Variants in UTP20 observed in about 807,000 individuals in gnomAD.
UTP20 encodes small subunit processome component 20 homolog.
In UTP20, 164 loss-of-function variants were observed where a neutral mutation model predicts 329.5. The ratio of observed to expected loss-of-function variants is 0.50; its 90% CI spans 0.44 to 0.57. UTP20 has a LOEUF of 0.57. UTP20 is among the 20% of genes least tolerant of loss of function. The probability of loss-of-function intolerance (pLI) is 0.00; values close to 1 mark genes in which losing one functional copy is unlikely to be tolerated. For synonymous variants in UTP20, 1,151 were observed against 1,159.3 expected (o/e 0.99, Z 0.14); for missense variants, 3,055 against 3,284.2 (o/e 0.93, Z 1.71).
intron 2 of UTP20, among the ~76,000 whole-genome samples, chr12:101,282,463 G>GT (rs34185612): frequency 6.5e-4 from 98 of 150,754 alleles, no homozygotes; most frequent in East Asian, 4.5e-3. Flanking sequence ...TGTATAGGGT[G>GT]TTTTTTTTTT....
intron 18 of UTP20, among the ~76,000 whole-genome samples, chr12:101,309,553 TC>T (rs1373269574): frequency 1.3e-5 from 2 of 152,256 alleles, no homozygotes; most frequent in Non-Finnish European, 2.9e-5. Context: ...CTGTAGCGAT[TC>T]TTCTATTTTA....
intron 10 of UTP20, among the ~76,000 whole-genome samples, chr12:101,292,427 G>A (rs1872194911): frequency 6.6e-6 from 1 of 152,192 alleles, no homozygotes; most frequent in South Asian, 2.1e-4. Flanking sequence ...AGGGTAAACA[G>A]TGATGCCTGC....
Position 101,340,506 on chromosome 12 carries a change from G to GT in UTP20, c.4014-11dup, listed in dbSNP as rs755484236. On this transcript the variant is annotated splice_polypyrimidine_tract_variant and intron_variant, in intron 31 of 61. Coordinates refer to ENST00000261637, the MANE Select transcript of UTP20 (RefSeq NM_014503.3). ...CCTTGTATATGTTCCTTATATATCC[G>GT]TTTTTTCCTTCTTTAGGATCAGCAA... 2.6e-6 allele frequency: 4 copies of GT among 1,538,260 alleles called. No individual in the cohort carries two copies. Among genetic ancestry groups the GT allele is most frequent in the South Asian group, 1.2e-5 (1 of 85,942 alleles).
chr12:101,323,036 A>C (rs965149157), intron 25 of UTP20, among the ~76,000 whole-genome samples: 4 of 152,228 alleles, frequency 2.6e-5, no homozygotes, highest in Non-Finnish European at 5.9e-5. Context: ...AGTTGAATAC[A>C]AGCTACCAAA....
chr12:101,357,972 G>T (rs1171728062), intron 43 of UTP20, among the ~76,000 whole-genome samples: 1 of 152,198 alleles, frequency 6.6e-6, no homozygotes, highest in Non-Finnish European at 1.5e-5. Context: ...GAACGCTGCA[G>T]CTTCTTTTCA....
intron 6 of UTP20, chr12:101,289,923 T>G: frequency 3.4e-6 from 1 of 296,270 alleles, no homozygotes. Context: ...AGTACATATC[T>G]TCCTGTAATA....
At chr12:101,318,975 T>C (rs1873065015) in intron 22 of UTP20, among the ~76,000 whole-genome samples, 1 of 152,112 alleles carries the variant, frequency 6.6e-6, no homozygotes, top group South Asian at 2.1e-4. Context: ...ATGGCCAGCC[T>C]TCATGTCACT....
In UTP20 at chr12:101,356,471, G is replaced by T. The variant is rs1245237565; in HGVS notation, c.5395-83G>T. On this transcript the variant is annotated intron_variant, in intron 41 of 61. Coordinates refer to ENST00000261637, the MANE Select transcript of UTP20 (RefSeq NM_014503.3). ...ATCATCCATCCTTCTAGAAAAACTT[G>T]TCTTTCAAATACAAAGTTGCAGTGT... 4 of 1,235,588 alleles carry T rather than the reference G, an allele frequency of 3.2e-6. No individual in the cohort carries two copies. In the Admixed American group the frequency reaches 1.2e-4, roughly 37 times the overall value. 76.5% of individuals were successfully genotyped at this position (1,235,588 alleles called of 1,614,324 possible). A position where few individuals can be genotyped will look rare whatever the true frequency, so the allele number is the denominator to read the frequency against.
chr12:101,355,291 C>G (rs1020432102), intron 41 of UTP20, among the ~76,000 whole-genome samples, 173 bp downstream of exon 41: 1 of 152,172 alleles, frequency 6.6e-6, no homozygotes, highest in Admixed American at 6.6e-5. Context: ...CAGGCTTATC[C>G]TGCTGCAACT....
chr12:101,383,913 G>T (rs1243748754), intron 60 of UTP20, among the ~76,000 whole-genome samples: 1 of 151,408 alleles, frequency 6.6e-6, no homozygotes, highest in Admixed American at 6.6e-5. Flanking sequence ...TGCCAGGCTG[G>T]TCTTGGTCTC....
At chr12:101,348,944 C>A (rs1259004530) in intron 38 of UTP20, among the ~76,000 whole-genome samples, 1 of 151,940 alleles carries the variant, frequency 6.6e-6, no homozygotes, top group African/African-American at 2.4e-5. Flanking sequence ...TTGATTCTTG[C>A]AGCTTTTGTT....
At chr12:101,353,550 A>G (rs1387651195) in intron 40 of UTP20, among the ~76,000 whole-genome samples, 3 of 152,170 alleles carry the variant, frequency 2.0e-5, no homozygotes, top group East Asian at 3.9e-4. Context: ...AAGATTATAA[A>G]TTGGGCCAGA....
intron 48 of UTP20, among the ~76,000 whole-genome samples, 171 bp downstream of exon 48, chr12:101,368,147 A>G (rs1870160804): frequency 1.3e-5 from 2 of 148,880 alleles, no homozygotes; most frequent in African/African-American, 2.5e-5. Flanking sequence ...TTTGAGACAG[A>G]GTCTCACTTT....
chr12:101,309,654 G>A, intron 18 of UTP20, 109 bp from the exon 19 acceptor site: 1 of 1,028,756 alleles, frequency 9.7e-7, no homozygotes, highest in Non-Finnish European at 1.4e-6. Context: ...TATCGCACAG[G>A]CTTCTTTCCA....
Position 101,386,211 on chromosome 12 carries a change from C to CTT in UTP20, c.*88_*89insTT. 1.7e-6 allele frequency: 2 copies of CTT among 1,153,288 alleles called. No individual in the cohort carries two copies. Among genetic ancestry groups the CTT allele is most frequent in the Non-Finnish European group, 1.2e-6 (1 of 831,634 alleles). 71.4% of individuals were successfully genotyped at this position (1,153,288 alleles called of 1,614,324 possible). On this transcript the variant is annotated 3_prime_UTR_variant, in exon 62 of 62. Coordinates refer to ENST00000261637, the MANE Select transcript of UTP20 (RefSeq NM_014503.3). The stretch of plus-strand genomic sequence containing the variant: ...TAGGTTGTCTGGGGTAGGGGGGAGG[C>CTT]GTTTTTTTTTTTTTTTGAGACAAGG...
At chr12:101,315,641 T>C (rs1872949508) in intron 21 of UTP20, among the ~76,000 whole-genome samples, 1 of 152,210 alleles carries the variant, frequency 6.6e-6, no homozygotes, top group South Asian at 2.1e-4. Context: ...TGATTTTCTC[T>C]TTTTCAAATA....
chr12:101,367,370 G>A (rs549022747), intron 47 of UTP20, among the ~76,000 whole-genome samples: 40 of 152,174 alleles, frequency 2.6e-4, no homozygotes, highest in Admixed American at 2.6e-3. Flanking sequence ...ACCCTTCATT[G>A]ACTCGCATTT....
intron 32 of UTP20, among the ~76,000 whole-genome samples, 171 bp downstream of exon 32, chr12:101,340,781 C>G (rs1869096797): frequency 6.6e-6 from 1 of 152,030 alleles, no homozygotes; most frequent in African/African-American, 2.4e-5. Flanking sequence ...AAGACTGGGA[C>G]AGACACTAGG....
rs900992169 is a variant in UTP20, at chr12:101,312,133, G to A, written c.2409G>A (p.Glu803=). The A allele has an allele frequency of 6.2e-7, 1 of 1,614,230 alleles. No homozygotes were observed. Among genetic ancestry groups the A allele is most frequent in the Non-Finnish European group, 8.5e-7 (1 of 1,180,042 alleles). ...QEGDVGALYH[E]QLALKTDCQE... ...GAGATGTTGGAGCTCTTTATCATGA[G>A]CAGTTAGCATTGAAAACTGACTGTC... The change falls in exon 21 of 62, where the codon GAG becomes GAA. Residue 803 remains glutamate (E), a synonymous_variant. Transcript: ENST00000261637.
Sources: gnomAD v4.1 joint callset for allele counts (sites outside exome capture counted in the v4.1 genomes callset) on GRCh38, gnomAD v4.1.1 for gene constraint, MANE v1.5 for transcripts, NCBI Gene and HGNC (gene_info 2026-07-23, HGNC 2026-07-21) for gene names.